The following ERGIC1 variants were observed in gnomAD, a reference collection of about 807,000 sequenced individuals.
ERGIC1 encodes endoplasmic reticulum-Golgi intermediate compartment protein 1.
Under a neutral mutation model 38.3 loss-of-function variants are expected in ERGIC1, and 19 were observed. That is an observed-to-expected ratio of 0.50 (90% CI 0.35 to 0.73). The LOEUF is 0.73. ERGIC1 is among the 30% of genes least tolerant of loss of function. ERGIC1 has a pLI of 0.01. For missense variants in ERGIC1, 294 were observed against 389.2 expected, an observed-to-expected ratio of 0.76 and a Z score of 2.06; for synonymous variants, 124 against 157.6, an observed-to-expected ratio of 0.79 and a Z score of 1.60.
chr5:172,888,157 G>C (rs1043519881), intron 1 of ERGIC1, among the ~76,000 whole-genome samples: 2 of 152,170 alleles, frequency 1.3e-5, no homozygotes, highest in African/African-American at 4.8e-5. Context: ...CACTCTGATG[G>C]AAGACCCACC....
chr5:172,935,388 C>G, intron 9 of ERGIC1, 78 bp downstream of exon 9: 1 of 1,589,816 alleles, frequency 6.3e-7, no homozygotes, highest in Non-Finnish European at 8.6e-7. Flanking sequence ...CTTGGCACCC[C>G]TCACCTGTTC....
At chr5:172,907,664 T>C (rs1268942116) in intron 3 of ERGIC1, among the ~76,000 whole-genome samples, 2 of 152,156 alleles carry the variant, frequency 1.3e-5, no homozygotes, top group African/African-American at 2.4e-5. Flanking sequence ...TCCAGGCCTT[T>C]GCACATGCTG....
At chr5:172,856,556 G>A (rs1761554411) in intron 1 of ERGIC1, among the ~76,000 whole-genome samples, 1 of 152,182 alleles carries the variant, frequency 6.6e-6, no homozygotes, top group South Asian at 2.1e-4. Context: ...ATGGGCAGGT[G>A]AGATGGGGCT....
At chr5:172,854,527 C>T (rs751045495) in intron 1 of ERGIC1, among the ~76,000 whole-genome samples, 3 of 152,248 alleles carry the variant, frequency 2.0e-5, no homozygotes, top group Non-Finnish European at 4.4e-5. Flanking sequence ...TCTGCAGGCA[C>T]CCCCACCCAC....
At chr5:172,864,808 G>A (rs1338269794) in intron 1 of ERGIC1, among the ~76,000 whole-genome samples, 4 of 146,056 alleles carry the variant, frequency 2.7e-5, no homozygotes, top group Non-Finnish European at 4.5e-5. Context: ...GTCTCATTTT[G>A]TCCTAACCAC....
In ERGIC1 at chr5:172,950,982, T is replaced by C; in HGVS notation, c.*166T>C. On this transcript the variant is annotated 3_prime_UTR_variant, in exon 10 of 10. Coordinates refer to ENST00000393784, the MANE Select transcript of ERGIC1 (RefSeq NM_001031711.3). Reference sequence around the variant, plus strand: ...TGGCTCGATGTTTTGCAGCTACCTCTTTTCCCCGTGTTTCTTTTTAGACAA... The same window carrying C: ...TGGCTCGATGTTTTGCAGCTACCTCCTTTCCCCGTGTTTCTTTTTAGACAA... The C allele has an allele frequency of 1.9e-6, 1 of 534,410 alleles. No individual in the cohort carries two copies. The highest frequency in any genetic ancestry group is 3.2e-6 in the Non-Finnish European group (1 of 308,536). 33.1% of individuals were successfully genotyped at this position (534,410 alleles called of 1,614,324 possible).
intron 1 of ERGIC1, among the ~76,000 whole-genome samples, chr5:172,850,157 G>A (rs577899191): frequency 6.3e-4 from 96 of 152,266 alleles, no homozygotes; most frequent in African/African-American, 2.3e-3. Flanking sequence ...TCCACCTTTC[G>A]GGCCTGCCTG....
intron 9 of ERGIC1, among the ~76,000 whole-genome samples, chr5:172,942,116 G>A (rs975961972): frequency 2.0e-5 from 3 of 152,100 alleles, no homozygotes; most frequent in African/African-American, 4.8e-5. Flanking sequence ...CAGGAGAATC[G>A]CTTGAACCAG....
At chr5:172,927,006 C>T (rs543494542) in intron 7 of ERGIC1, 2 of 189,726 alleles carry the variant, frequency 1.1e-5, no homozygotes, top group Admixed American at 5.6e-5. Context: ...ACACCTCACT[C>T]TCCTCCTGCT....
In ERGIC1 at chr5:172,844,088, A is replaced by G. The variant is rs184724308; in HGVS notation, c.20+9655A>G. Reference sequence around the variant, plus strand: ...GGCCTCCGGGGTTTGCAGGGCACAGATACAATCACATGGGAACACCTGAGA... The same window carrying G: ...GGCCTCCGGGGTTTGCAGGGCACAGGTACAATCACATGGGAACACCTGAGA... On this transcript the variant is annotated intron_variant, in intron 1 of 9. Transcript: ENST00000393784. 3.1e-3 allele frequency among the ~76,000 whole-genome samples: 472 copies of G among 152,310 alleles called. 1 individual carries two copies. Among genetic ancestry groups the G allele is most frequent in the Middle Eastern group, 6.8e-3 (2 of 294 alleles).
In ERGIC1 at chr5:172,927,795, G is replaced by T. The variant is rs1052319892; in HGVS notation, c.541+1226G>T. Among the ~76,000 whole-genome samples the T allele has an allele frequency of 2.2e-4, 34 of 152,108 alleles. 1 individual carries two copies. The highest frequency in any genetic ancestry group is 1.5e-5 in the Non-Finnish European group (1 of 68,020). ...AGGGTTTCACCACGTTGGCCAGGCT[G>T]GTCTTGAACTCCTGACCTCAGGTGA... On this transcript the variant is annotated intron_variant, in intron 7 of 9. Transcript: ENST00000393784.
Position 172,926,722 on chromosome 5 carries a change from G to A in ERGIC1, c.541+153G>A, listed in dbSNP as rs559103026. 10 of 826,292 alleles carry A rather than the reference G, an allele frequency of 1.2e-5. No individual in the cohort carries two copies. Among genetic ancestry groups the A allele is most frequent in the Middle Eastern group, 2.9e-4 (1 of 3,422 alleles). The allele number at this position is 826,292 out of a possible 1,614,324, so 51.2% of individuals were successfully genotyped here. A position where few individuals can be genotyped will look rare whatever the true frequency, so the allele number is the denominator to read the frequency against. On this transcript the variant is annotated intron_variant, in intron 7 of 9. Transcript: ENST00000393784. This position sits in a 1 kb window ranked among gnomAD's most constrained non-coding sequence, Gnocchi z 5.2. ...ACTCCATTCCCACAGCTAACCAGTGGGAAGGTGGACCCAGCCCCGTCCAGA... is the reference window on the plus strand; with the variant it reads ...ACTCCATTCCCACAGCTAACCAGTGAGAAGGTGGACCCAGCCCCGTCCAGA...
intron 1 of ERGIC1, among the ~76,000 whole-genome samples, chr5:172,854,233 T>A (rs1411514068): frequency 6.7e-6 from 1 of 148,610 alleles, no homozygotes; most frequent in African/African-American, 2.5e-5. Context: ...AAAAAAAAAA[T>A]TAGCTGGGCA....
chr5:172,912,057 T>C (rs1391664238), intron 4 of ERGIC1, among the ~76,000 whole-genome samples: 1 of 151,452 alleles, frequency 6.6e-6, no homozygotes, highest in Admixed American at 6.6e-5. Flanking sequence ...CCCTACCATA[T>C]GGGAACCTTC....
At chr5:172,938,448 G>C (rs1326021031) in intron 9 of ERGIC1, among the ~76,000 whole-genome samples, 1 of 152,170 alleles carries the variant, frequency 6.6e-6, no homozygotes. Context: ...CTGAGACTCT[G>C]GGCATTACAA....
chr5:172,896,407 G>A (rs1274713033), intron 2 of ERGIC1, among the ~76,000 whole-genome samples: 1 of 152,158 alleles, frequency 6.6e-6, no homozygotes, highest in Non-Finnish European at 1.5e-5. Context: ...TTGAAGCACC[G>A]CTGTCTATAG....
At chr5:172,925,806 A>G (rs999709741) in intron 6 of ERGIC1, among the ~76,000 whole-genome samples, 18 of 152,158 alleles carry the variant, frequency 1.2e-4, no homozygotes, top group African/African-American at 1.7e-4. Context: ...CCATGGTAGC[A>G]TGCTCCATTT....
At chr5:172,842,408 A>C (rs1352655557) in intron 1 of ERGIC1, among the ~76,000 whole-genome samples, 1 of 152,240 alleles carries the variant, frequency 6.6e-6, no homozygotes, top group African/African-American at 2.4e-5. Flanking sequence ...TATATATACC[A>C]ATATTTACCC....
intron 2 of ERGIC1, among the ~76,000 whole-genome samples, chr5:172,893,935 G>GTGTGTGTGTGTA (rs1429850022): frequency 9.1e-4 from 39 of 42,782 alleles, no homozygotes; most frequent in South Asian, 1.7e-3. Context: ...GTGTGTGTGT[G>GTGTGTGTGTGTA]TATATATATA....
Sources: gnomAD v4.1 joint callset for allele counts (sites outside exome capture counted in the v4.1 genomes callset) on GRCh38, gnomAD v4.1.1 for gene constraint, Gnocchi (gnomAD v3.1) non-coding constraint, MANE v1.5 for transcripts, NCBI Gene and HGNC (gene_info 2026-07-23, HGNC 2026-07-21) for gene names.